Variants in RBFOX1 observed in about 807,000 individuals in gnomAD.
The protein encoded by RBFOX1 is RNA binding protein fox-1 homolog 1.
RBFOX1 carries 8 observed loss-of-function variants against 57.7 expected under a neutral mutation model. That is an observed-to-expected ratio of 0.14 (90% CI 0.08 to 0.25). The LOEUF is 0.25. RBFOX1 is among the 10% of genes least tolerant of loss of function. RBFOX1 has a pLI of 1.00. For synonymous variants in RBFOX1, 326 were observed against 222.4 expected, an observed-to-expected ratio of 1.47 and a Z score of -4.15; for missense variants, 611 against 548.5, an observed-to-expected ratio of 1.11 and a Z score of -1.14.
chr16:6,957,102 T>TTTTTTA (rs1315875427), intron 3 of RBFOX1, among the ~76,000 whole-genome samples: 3 of 139,944 alleles, frequency 2.1e-5, no homozygotes, highest in Non-Finnish European at 4.8e-5. Flanking sequence ...TTTATTTTAT[T>TTTTTTA]TTTTTATTTT....
chr16:6,496,481 T>A (rs1343301838), intron 2 of RBFOX1, among the ~76,000 whole-genome samples: 2 of 152,188 alleles, frequency 1.3e-5, no homozygotes, highest in Non-Finnish European at 2.9e-5. Flanking sequence ...GTGGTCTTGC[T>A]CATACAGAAA....
At chr16:5,793,367 A>G (rs2054769002) in intron 3 of RBFOX1, among the ~76,000 whole-genome samples, 1 of 152,236 alleles carries the variant, frequency 6.6e-6, no homozygotes, top group African/African-American at 2.4e-5. Context: ...AAGGAAATGC[A>G]AACCTGAGCC....
At chr16:6,005,933 T>C (rs566505202) in intron 4 of RBFOX1, among the ~76,000 whole-genome samples, 2 of 152,292 alleles carry the variant, frequency 1.3e-5, no homozygotes, top group East Asian at 3.9e-4. Context: ...GAGACGAATG[T>C]GTCATTCTTT....
chr16:6,998,831 T>C (rs868198114), intron 3 of RBFOX1, among the ~76,000 whole-genome samples: 36 of 151,976 alleles, frequency 2.4e-4, no homozygotes, highest in South Asian at 4.2e-4. Context: ...CCACAAATAC[T>C]GGAGTCATGT....
chr16:7,141,991 CCTT>C (rs965037304), intron 4 of RBFOX1, among the ~76,000 whole-genome samples: 1 of 71,898 alleles, frequency 1.4e-5, no homozygotes, highest in Non-Finnish European at 4.2e-5. Flanking sequence ...TCCATCTTCT[CCTT>C]CTTCTTCCTC....
At chr16:6,724,886 C>A (rs2066822865) in intron 3 of RBFOX1, among the ~76,000 whole-genome samples, 1 of 152,066 alleles carries the variant, frequency 6.6e-6, no homozygotes, top group Non-Finnish European at 1.5e-5. Flanking sequence ...TCCCCCAAAG[C>A]CATATAGGGT....
chr16:6,094,207 T>C (rs564831854), intron 1 of RBFOX1, among the ~76,000 whole-genome samples: 6 of 152,318 alleles, frequency 3.9e-5, no homozygotes, highest in Non-Finnish European at 5.9e-5. Context: ...GTGCTTTCCA[T>C]GGATGAGGAA....
At chr16:7,555,828 T>A (rs1489213215) in intron 5 of RBFOX1, among the ~76,000 whole-genome samples, 1 of 152,160 alleles carries the variant, frequency 6.6e-6, no homozygotes, top group African/African-American at 2.4e-5. Context: ...ACCTCCACGG[T>A]CCCTTCCTCC....
At chr16:7,365,653 T>C (rs1008449882) in intron 4 of RBFOX1, among the ~76,000 whole-genome samples, 5 of 152,166 alleles carry the variant, frequency 3.3e-5, no homozygotes, top group Admixed American at 6.5e-5. Flanking sequence ...TTTGCAAACA[T>C]TAAGATGGCA....
At chr16:6,590,144 G>A (rs1021017148) in intron 2 of RBFOX1, among the ~76,000 whole-genome samples, 3 of 152,324 alleles carry the variant, frequency 2.0e-5, no homozygotes, top group Non-Finnish European at 4.4e-5. Flanking sequence ...TAAATACTCA[G>A]AATGGAGTAT....
chr16:7,070,055 C>G (rs947952038), intron 4 of RBFOX1, among the ~76,000 whole-genome samples: 3 of 152,208 alleles, frequency 2.0e-5, no homozygotes, highest in Non-Finnish European at 4.4e-5. Context: ...TCTTTTTCCT[C>G]TCTTGCACAG....
intron 2 of RBFOX1, among the ~76,000 whole-genome samples, chr16:6,506,729 C>G (rs1035457428): frequency 1.4e-5 from 2 of 138,460 alleles, no homozygotes. Context: ...CTTACCGCAA[C>G]TTCTGCCTCC....
chr16:7,346,652 C>G (rs966579773), intron 4 of RBFOX1, among the ~76,000 whole-genome samples: 3 of 151,894 alleles, frequency 2.0e-5, no homozygotes, highest in Non-Finnish European at 2.9e-5. Context: ...TTCGTTCAAG[C>G]CTTTGTGTTC....
intron 10 of RBFOX1, among the ~76,000 whole-genome samples, chr16:7,617,508 T>G (rs3785233): frequency 0.1 from 15,827 of 152,144 alleles, 998 homozygotes; most frequent in Non-Finnish European, 0.14. Context: ...CCTTGAGAGT[T>G]TTTCTTTTGG....
intron 3 of RBFOX1, among the ~76,000 whole-genome samples, chr16:5,807,319 C>G (rs1280418341): frequency 2.0e-5 from 3 of 152,140 alleles, no homozygotes; most frequent in Admixed American, 6.5e-5. Flanking sequence ...ACCTGAGCAC[C>G]TCTCTTAGTA....
chr16:7,068,283 C>G (rs754604069), intron 4 of RBFOX1, among the ~76,000 whole-genome samples: 6 of 152,186 alleles, frequency 3.9e-5, no homozygotes, highest in Non-Finnish European at 7.3e-5. Flanking sequence ...TATCCCCACT[C>G]TAAGTAGACT....
intron 3 of RBFOX1, among the ~76,000 whole-genome samples, chr16:5,633,921 C>G (rs763174658): frequency 9.2e-5 from 14 of 151,686 alleles, no homozygotes; most frequent in Non-Finnish European, 1.8e-4. Context: ...AGACACCCAA[C>G]AAACATACGA....
At chr16:6,349,205 AG>A (rs2085868836) in intron 2 of RBFOX1, among the ~76,000 whole-genome samples, 1 of 152,174 alleles carries the variant, frequency 6.6e-6, no homozygotes, top group Admixed American at 6.5e-5. Context: ...CCAGAAAAAA[AG>A]CAGAAAAGTG....
chr16:6,752,336 AC>A (rs1324329977), intron 3 of RBFOX1, among the ~76,000 whole-genome samples: 1 of 152,242 alleles, frequency 6.6e-6, no homozygotes, highest in African/African-American at 2.4e-5. Flanking sequence ...CAGACGAAAT[AC>A]AATGATCTCA....
Sources: gnomAD v4.1 joint callset for allele counts (sites outside exome capture counted in the v4.1 genomes callset) on GRCh38, gnomAD v4.1.1 for gene constraint, MANE v1.5 for transcripts, NCBI Gene and HGNC (gene_info 2026-07-23, HGNC 2026-07-21) for gene names.